DOCK2: variants seen among roughly 807,000 people sequenced by gnomAD.
DOCK2 encodes dedicator of cytokinesis 2.
DOCK2 carries 87 observed loss-of-function variants against 248.9 expected under a neutral mutation model. That is an observed-to-expected ratio of 0.35 (90% CI 0.29 to 0.42). The LOEUF is 0.42. Ranked by LOEUF, DOCK2 falls within the 10% of genes least tolerant of loss-of-function variation. DOCK2 has a pLI of 1.00. For missense variants in DOCK2, 1,747 were observed against 2,300.2 expected (o/e 0.76, Z 4.92); for synonymous variants, 805 against 821.6 (o/e 0.98, Z 0.35).
chr5:169,675,820 G>A (rs1237806475), intron 6 of DOCK2, among the ~76,000 whole-genome samples: 3 of 152,206 alleles, frequency 2.0e-5, no homozygotes, highest in Non-Finnish European at 2.9e-5. Context: ...GCACTAGGGG[G>A]AGGATTCGGA....
chr5:169,753,742 G>C (rs376700610), intron 23 of DOCK2, among the ~76,000 whole-genome samples: 4 of 152,160 alleles, frequency 2.6e-5, no homozygotes, highest in Non-Finnish European at 5.9e-5. Context: ...TCTGGAACCT[G>C]TTGGTTCCTT....
chr5:169,967,476 C>T (rs112745837), intron 27 of DOCK2, among the ~76,000 whole-genome samples: 86 of 151,976 alleles, frequency 5.7e-4, no homozygotes, highest in African/African-American at 1.7e-3. Flanking sequence ...TCTGTGTGGC[C>T]GGATGATAAA....
intron 23 of DOCK2, among the ~76,000 whole-genome samples, chr5:169,758,428 T>A (rs974771076): frequency 5.3e-5 from 8 of 152,190 alleles, no homozygotes; most frequent in Non-Finnish European, 1.0e-4. Context: ...CCTCATGCCT[T>A]ATCTGGTATG....
At chr5:169,770,037 C>T (rs752279761) in intron 25 of DOCK2, among the ~76,000 whole-genome samples, 1 of 152,146 alleles carries the variant, frequency 6.6e-6, no homozygotes, top group East Asian at 1.9e-4. Flanking sequence ...GCCAGTGTCC[C>T]TTTAAGAAAA....
At chr5:169,657,249 G>C (rs1161885520) in intron 2 of DOCK2, among the ~76,000 whole-genome samples, 1 of 151,988 alleles carries the variant, frequency 6.6e-6, no homozygotes, top group African/African-American at 2.4e-5. Flanking sequence ...AGCAGGTCTG[G>C]TGTTGTCTGC....
chr5:169,675,505 T>A (rs1368948424), intron 6 of DOCK2, among the ~76,000 whole-genome samples: 1 of 152,220 alleles, frequency 6.6e-6, no homozygotes, highest in African/African-American at 2.4e-5. Context: ...ACTGCTGATA[T>A]GTACTGTGAG....
chr5:169,759,920 G>C (rs956908117), intron 24 of DOCK2, 145 bp downstream of exon 24: 2 of 839,860 alleles, frequency 2.4e-6, no homozygotes, highest in Non-Finnish European at 3.7e-6. Context: ...CAGGGTTTCC[G>C]GTGTGGTATT....
chr5:169,716,719 C>T (rs1426906401), intron 20 of DOCK2, among the ~76,000 whole-genome samples: 1 of 152,152 alleles, frequency 6.6e-6, no homozygotes, highest in Non-Finnish European at 1.5e-5. Context: ...TTTCTCCTAC[C>T]CACCCAGAAC....
chr5:169,797,938 G>T (rs766233137), intron 25 of DOCK2, among the ~76,000 whole-genome samples: 4 of 152,152 alleles, frequency 2.6e-5, no homozygotes, highest in Non-Finnish European at 5.9e-5. Context: ...ACATTTCTGA[G>T]AAATCATGGT....
At chr5:169,766,821 G>A (rs775239517) in intron 25 of DOCK2, among the ~76,000 whole-genome samples, 6 of 152,264 alleles carry the variant, frequency 3.9e-5, no homozygotes, top group Non-Finnish European at 7.4e-5. Context: ...AGGCTGGAGT[G>A]CAATGGTGCG....
chr5:169,707,796 T>C (rs1761358564), intron 14 of DOCK2, among the ~76,000 whole-genome samples: 1 of 152,232 alleles, frequency 6.6e-6, no homozygotes, highest in African/African-American at 2.4e-5. Flanking sequence ...GATCTGAGCC[T>C]GTTAGTAAAC....
chr5:169,644,537 C>T lies in DOCK2; in HGVS notation c.43+7168C>T, dbSNP rs376559322. On this transcript the variant is annotated intron_variant, in intron 1 of 51. Transcript: ENST00000520908. ...AGAAGAATGAGGGCTGCATCGAGGC[C>T]TTCCCTAGTGAAAACCTTGATCTAA... Among the ~76,000 whole-genome samples the T allele has an allele frequency of 2.4e-4, 37 of 152,082 alleles. 1 individual carries two copies. In the East Asian group the frequency reaches 4.5e-3, roughly 18 times the overall value.
At chr5:169,912,412 C>T (rs370318259) in intron 27 of DOCK2, among the ~76,000 whole-genome samples, 8 of 152,058 alleles carry the variant, frequency 5.3e-5, no homozygotes, top group South Asian at 2.1e-4. Context: ...GCTCTACTTG[C>T]GAAGGGTCTT....
At chr5:170,020,748 C>T (rs1755692442) in intron 33 of DOCK2, among the ~76,000 whole-genome samples, 1 of 152,244 alleles carries the variant, frequency 6.6e-6, no homozygotes, top group Admixed American at 6.5e-5. Flanking sequence ...CAGTATCTCC[C>T]AGTAATACTG....
chr5:169,969,812 G>T (rs1777435381), intron 27 of DOCK2, among the ~76,000 whole-genome samples: 1 of 152,248 alleles, frequency 6.6e-6, no homozygotes, highest in South Asian at 2.1e-4. Context: ...GGCCTTGCCT[G>T]CCTAGAAAGG....
intron 27 of DOCK2, among the ~76,000 whole-genome samples, chr5:169,876,701 A>G (rs1248505289): frequency 6.6e-6 from 1 of 152,220 alleles, no homozygotes; most frequent in Non-Finnish European, 1.5e-5. Context: ...ACCCATTGAG[A>G]ACCAGTTACA....
chr5:169,929,762 A>AT (rs1775656604), intron 27 of DOCK2, among the ~76,000 whole-genome samples: 1 of 144,082 alleles, frequency 6.9e-6, no homozygotes, highest in South Asian at 2.2e-4. Flanking sequence ...AAAAAAAAAA[A>AT]GAGAGAGAGA....
Position 169,718,766 on chromosome 5 carries a change from G to A in DOCK2, c.2242G>A (p.Val748Ile), listed in dbSNP as rs199603412. 34 of 1,613,598 alleles carry A rather than the reference G, an allele frequency of 2.1e-5. No homozygotes were observed. Among genetic ancestry groups the A allele is most frequent in the Non-Finnish European group, 2.8e-5 (33 of 1,179,716 alleles). The change falls in exon 22 of 52, where the codon GTT (valine) becomes ATT (isoleucine). Residue 748 changes from valine to isoleucine, a missense_variant. Around this residue, in one of 4 missense-constraint regions of DOCK2, gnomAD observed 858 missense variants for 1,183.5 expected, o/e 0.72. Coordinates refer to ENST00000520908, the MANE Select transcript of DOCK2 (RefSeq NM_004946.3). ...KALEYVFKFI[V>I]RSRTLFSQLY... ...TTTGGAATATGTGTTCAAGTTCATTGTTCGGTCGAGGACATTATTTTCACA... is the reference window on the plus strand; with the variant it reads ...TTTGGAATATGTGTTCAAGTTCATTATTCGGTCGAGGACATTATTTTCACA...
In DOCK2 at chr5:170,080,129, T is replaced by G. The variant is rs76076662; in HGVS notation, c.5167-34T>G. On this transcript the variant is annotated intron_variant, in intron 49 of 51. Transcript: ENST00000520908. ...GCCTCATGCTAAGCCTCTGTCTTTGTGTGTGTGTGTGTGTGTCTGGTGTAT... is the reference window on the plus strand; with the variant it reads ...GCCTCATGCTAAGCCTCTGTCTTTGGGTGTGTGTGTGTGTGTCTGGTGTAT... The G allele has an allele frequency of 2.3e-3, 3,691 of 1,584,914 alleles. 55 individuals carry two copies. The African/African-American group carries it at 0.039, about 17-fold the overall frequency.
Sources: allele counts gnomAD v4.1 joint callset (sites outside exome capture counted in the v4.1 genomes callset), GRCh38; gene constraint gnomAD v4.1.1; regional missense constraint gnomAD v4.1.1; transcripts MANE v1.5; gene names NCBI Gene and HGNC (gene_info 2026-07-23, HGNC 2026-07-21).